Variants in RELL1 observed in about 807,000 individuals in gnomAD.
RELL1 encodes RELT like 1, also known as RELT-like protein 1.
RELL1 carries 10 observed loss-of-function variants against 23.0 expected under a neutral mutation model. The ratio of observed to expected loss-of-function variants is 0.43; its 90% CI spans 0.27 to 0.74. RELL1 has a LOEUF of 0.74. RELL1 is among the 30% of genes least tolerant of loss of function. RELL1 has a pLI of 0.19. For synonymous variants in RELL1, 146 were observed against 146.8 expected, an observed-to-expected ratio of 0.99 and a Z score of 0.04; for missense variants, 315 against 364.4, an observed-to-expected ratio of 0.86 and a Z score of 1.10.
chr4:37,673,467 C>T (rs547463680), intron 1 of RELL1, among the ~76,000 whole-genome samples: 80 of 152,272 alleles, frequency 5.3e-4, no homozygotes, highest in African/African-American at 1.9e-3. Context: ...GCTGAGATTA[C>T]AGGCGTGAGC....
chr4:37,616,813 T>C (rs905360547), intron 6 of RELL1, among the ~76,000 whole-genome samples: 2 of 152,216 alleles, frequency 1.3e-5, no homozygotes, highest in African/African-American at 4.8e-5. Flanking sequence ...TAGAGATTTA[T>C]CTTGTTCCAG....
chr4:37,608,232 G>A (rs1453473716), downstream of RELL1, among the ~76,000 whole-genome samples: 3 of 152,256 alleles, frequency 2.0e-5, no homozygotes, highest in African/African-American at 7.2e-5. Flanking sequence ...CACTGCTCAA[G>A]TGAAAGGAAG....
At chr4:37,683,232 G>A (rs554644419) in intron 1 of RELL1, among the ~76,000 whole-genome samples, 3 of 152,328 alleles carry the variant, frequency 2.0e-5, no homozygotes, top group South Asian at 4.1e-4. Context: ...CTGCAGAGCA[G>A]TGGGGTACAG....
At chr4:37,602,702 T>C (rs1435144347) in intron 6 of RELL1, among the ~76,000 whole-genome samples, 1 of 152,222 alleles carries the variant, frequency 6.6e-6, no homozygotes, top group African/African-American at 2.4e-5. Context: ...TTAAAACTCC[T>C]GTGAGACAGG....
chr4:37,632,623 T>C (rs1720182747), intron 5 of RELL1, among the ~76,000 whole-genome samples: 1 of 152,030 alleles, frequency 6.6e-6, no homozygotes, highest in Non-Finnish European at 1.5e-5. Flanking sequence ...CGCACACACA[T>C]GCTCTCACAC....
chr4:37,656,317 C>G (rs2109291652), intron 1 of RELL1, among the ~76,000 whole-genome samples: 1 of 152,076 alleles, frequency 6.6e-6, no homozygotes, highest in East Asian at 1.9e-4. Flanking sequence ...TCATAGAAAC[C>G]AGAGAGTAGA....
chr4:37,686,209 C>G lies in RELL1; in HGVS notation c.79G>C (p.Val27Leu). The change falls in exon 1 of 7, where the codon GTG (valine) becomes CTG (leucine). Residue 27 changes from valine (V) to leucine (L), a missense_variant. Coordinates refer to ENST00000454158, the MANE Select transcript of RELL1 (RefSeq NM_001085400.2). ...FVGGAVSSPL[V>L]APDNGSSRTL... is the part of the protein sequence containing the mutation. The stretch of plus-strand genomic sequence containing the variant: ...ACGACCGGACACTCACCCGGAGCCA[C>G]CAGCGGCGAACTCACGGCGCCTCCC... 1 of 1,580,962 alleles carries G rather than the reference C, an allele frequency of 6.3e-7. No individual in the cohort carries two copies.
chr4:37,616,109 G>A (rs994431628), intron 6 of RELL1, among the ~76,000 whole-genome samples: 1 of 152,162 alleles, frequency 6.6e-6, no homozygotes, highest in African/African-American at 2.4e-5. Flanking sequence ...AAGTCTATCT[G>A]ATTAATAATA....
chr4:37,659,721 C>G (rs898256039), intron 1 of RELL1, among the ~76,000 whole-genome samples: 1 of 152,110 alleles, frequency 6.6e-6, no homozygotes, highest in African/African-American at 2.4e-5. Context: ...TATTCCCCAA[C>G]CTTCTGCAGC....
chr4:37,668,726 G>A (rs1319035653), intron 1 of RELL1, among the ~76,000 whole-genome samples: 2 of 150,290 alleles, frequency 1.3e-5, no homozygotes, highest in African/African-American at 5.0e-5. Context: ...AGTCTGGAAA[G>A]TGAGGAGCAT....
intron 6 of RELL1, among the ~76,000 whole-genome samples, chr4:37,619,286 G>A (rs1467502468): frequency 6.6e-6 from 1 of 151,742 alleles, no homozygotes; most frequent in Non-Finnish European, 1.5e-5. Context: ...AAGTTCGAGC[G>A]ATTCTCCTGC....
downstream of RELL1, among the ~76,000 whole-genome samples, chr4:37,587,242 C>G (rs1385488258): frequency 3.3e-5 from 5 of 152,134 alleles, no homozygotes; most frequent in Non-Finnish European, 7.3e-5. Flanking sequence ...AGAGTCCACC[C>G]AGATAAACTA....
intron 1 of RELL1, among the ~76,000 whole-genome samples, chr4:37,650,421 T>G (rs184782993): frequency 1.3e-5 from 2 of 152,018 alleles, no homozygotes; most frequent in Admixed American, 1.3e-4. Flanking sequence ...CTGGATAGAG[T>G]GATGAACAAC....
Position 37,612,743 on chromosome 4 carries a change from G to T in RELL1, c.*603C>A, listed in dbSNP as rs1719448792. ...TTGTGGTCAAGGAATCCAAAGTCTA[G>T]CATCTGGTCCCATCTGACTCCATGG... On this transcript the variant is annotated 3_prime_UTR_variant, in exon 7 of 7. Transcript: ENST00000454158. Among the ~76,000 whole-genome samples the T allele has an allele frequency of 6.6e-6, 1 of 151,922 alleles. No individual in the cohort carries two copies. Among genetic ancestry groups the T allele is most frequent in the Non-Finnish European group, 1.5e-5 (1 of 68,008 alleles).
At chr4:37,616,710 C>T (rs1315343377) in intron 6 of RELL1, among the ~76,000 whole-genome samples, 1 of 152,238 alleles carries the variant, frequency 6.6e-6, no homozygotes, top group African/African-American at 2.4e-5. Flanking sequence ...TATAGAGCTA[C>T]ATGACAGCAA....
chr4:37,676,008 G>A (rs551803049), intron 1 of RELL1, among the ~76,000 whole-genome samples: 3 of 152,196 alleles, frequency 2.0e-5, no homozygotes, highest in Admixed American at 6.5e-5. Context: ...TCCTCTCTTC[G>A]GTGACCACAA....
At chr4:37,660,457 T>C (rs1721286408) in intron 1 of RELL1, among the ~76,000 whole-genome samples, 3 of 152,184 alleles carry the variant, frequency 2.0e-5, no homozygotes. Context: ...AATCCAATTT[T>C]TTCATAACTC....
intron 4 of RELL1, among the ~76,000 whole-genome samples, chr4:37,637,645 C>A (rs1195159179): frequency 1.3e-5 from 2 of 152,236 alleles, no homozygotes; most frequent in African/African-American, 2.4e-5. Flanking sequence ...AGGCCTCACA[C>A]ACACATCTCC....
intron 6 of RELL1, among the ~76,000 whole-genome samples, chr4:37,615,853 T>C (rs1560330110): frequency 6.6e-6 from 1 of 152,186 alleles, no homozygotes; most frequent in African/African-American, 2.4e-5. Flanking sequence ...TTATTGCTTA[T>C]GACATAATCT....
Sources: allele counts gnomAD v4.1 joint callset (sites outside exome capture counted in the v4.1 genomes callset), GRCh38; gene constraint gnomAD v4.1.1; transcripts MANE v1.5; gene names NCBI Gene and HGNC (gene_info 2026-07-23, HGNC 2026-07-21).